DPP6: variants seen among roughly 807,000 people sequenced by gnomAD.
DPP6 encodes the protein A-type potassium channel modulatory protein DPP6.
Under a neutral mutation model 122.6 loss-of-function variants are expected in DPP6, and 69 were observed. The ratio of observed to expected loss-of-function variants is 0.56; its 90% CI spans 0.46 to 0.69. The LOEUF (loss-of-function observed/expected upper bound fraction) is 0.69. Among genes scored for constraint, DPP6 ranks in the 30% least tolerant of loss-of-function variants. The probability of loss-of-function intolerance (pLI) is 0.00; values close to 1 mark genes in which losing one functional copy is unlikely to be tolerated. For synonymous variants in DPP6, 418 were observed against 433.1 expected (o/e 0.97, Z 0.43); for missense variants, 928 against 1,116.9 (o/e 0.83, Z 2.41).
intron 1 of DPP6, among the ~76,000 whole-genome samples, chr7:154,060,762 C>CGT (rs1801709039): frequency 1.6e-5 from 2 of 125,526 alleles, no homozygotes; most frequent in African/African-American, 6.3e-5. Flanking sequence ...GCCAGTCCCT[C>CGT]TTCCCCCCCT....
intron 7 of DPP6, among the ~76,000 whole-genome samples, chr7:154,679,155 A>G (rs10248176): frequency 0.11 from 16,238 of 152,112 alleles, 938 homozygotes; most frequent in East Asian, 0.15. Flanking sequence ...CCCCTTGTCC[A>G]TCACCATCCA....
intron 8 of DPP6, among the ~76,000 whole-genome samples, chr7:154,732,714 G>T (rs1004723014): frequency 2.6e-5 from 4 of 152,160 alleles, no homozygotes; most frequent in African/African-American, 9.7e-5. Flanking sequence ...AAATTCCAGG[G>T]CTGGATTTTC....
the DPP6 span, among the ~76,000 whole-genome samples, chr7:153,844,578 CT>C: frequency 6.6e-6 from 1 of 152,020 alleles, no homozygotes; most frequent in Non-Finnish European, 1.5e-5. Flanking sequence ...CAGGAAAAGC[CT>C]TTTCTTTTTC....
chr7:153,934,577 A>G (rs770580368), intron 1 of DPP6, among the ~76,000 whole-genome samples: 7 of 152,102 alleles, frequency 4.6e-5, no homozygotes, highest in Non-Finnish European at 1.0e-4. Flanking sequence ...TAGAGTGTCT[A>G]TTTCTGTAAA....
chr7:153,888,249 C>A (rs1023778564), intron 1 of DPP6, among the ~76,000 whole-genome samples: 40 of 152,216 alleles, frequency 2.6e-4, no homozygotes, highest in Non-Finnish European at 1.5e-5. Context: ...CCAGACGCCG[C>A]CGCCGGGCGG....
intron 16 of DPP6, among the ~76,000 whole-genome samples, chr7:154,843,952 C>A (rs1801760044): frequency 6.6e-6 from 1 of 152,248 alleles, no homozygotes; most frequent in African/African-American, 2.4e-5. Context: ...TTGTCTATTT[C>A]TGTCTGTTTC....
chr7:154,845,041 C>T (rs936340312), intron 16 of DPP6, among the ~76,000 whole-genome samples: 2 of 152,206 alleles, frequency 1.3e-5, no homozygotes, highest in African/African-American at 2.4e-5. Flanking sequence ...ACCAGGACTC[C>T]AAGAATGGTC....
chr7:154,585,646 T>C (rs1832390995), intron 5 of DPP6, among the ~76,000 whole-genome samples: 1 of 152,218 alleles, frequency 6.6e-6, no homozygotes, highest in African/African-American at 2.4e-5. Flanking sequence ...TGAAATCATC[T>C]CTAGGTTACT....
intron 3 of DPP6, among the ~76,000 whole-genome samples, chr7:154,496,625 G>T (rs550398764): frequency 1.3e-5 from 2 of 152,290 alleles, no homozygotes; most frequent in East Asian, 3.9e-4. Context: ...AAGAGGTTTT[G>T]TGAAGGGGCC....
At chr7:154,550,787 G>C (rs966827822) in intron 4 of DPP6, among the ~76,000 whole-genome samples, 2 of 99,384 alleles carry the variant, frequency 2.0e-5, no homozygotes, top group Non-Finnish European at 4.0e-5. Flanking sequence ...TTTTGCTCTT[G>C]TTGCCCAAGC....
the DPP6 span, among the ~76,000 whole-genome samples, chr7:153,808,324 T>C: frequency 6.6e-6 from 1 of 151,496 alleles, no homozygotes; most frequent in African/African-American, 2.4e-5. Flanking sequence ...CCTGTGTGTG[T>C]CTGTGTGCAT....
chr7:154,662,725 A>G (rs55929518), intron 6 of DPP6, among the ~76,000 whole-genome samples: 42,416 of 44,498 alleles, frequency 0.95, 20,197 homozygotes, highest in African/African-American at 0.97. Flanking sequence ...TCACCATGGC[A>G]TATTGGCCGT....
At chr7:153,793,876 G>A in the DPP6 span, among the ~76,000 whole-genome samples, 100 of 152,204 alleles carry the variant, frequency 6.6e-4, no homozygotes, top group African/African-American at 1.3e-3. Flanking sequence ...AACTCGGGCC[G>A]TAGCCTCAGA....
intron 16 of DPP6, among the ~76,000 whole-genome samples, chr7:154,807,963 C>T (rs1337881177): frequency 6.6e-6 from 1 of 152,206 alleles, no homozygotes; most frequent in Non-Finnish European, 1.5e-5. Context: ...AAAGAGTAGG[C>T]CATGTTGCAT....
intron 16 of DPP6, among the ~76,000 whole-genome samples, chr7:154,817,328 G>A (rs1432256953): frequency 1.3e-5 from 2 of 152,020 alleles, no homozygotes; most frequent in Admixed American, 6.6e-5. Context: ...AGTGATTAAC[G>A]GATGATGTCA....
chr7:154,431,015 C>T (rs1052943649), intron 1 of DPP6, among the ~76,000 whole-genome samples: 2 of 152,156 alleles, frequency 1.3e-5, no homozygotes, highest in African/African-American at 4.8e-5. Context: ...GCTCACGGCG[C>T]TTACTTTGAT....
rs146636152 is a variant in DPP6 at position 154,731,139 on chromosome 7, T to G, written c.883+3252T>G. Among the ~76,000 whole-genome samples the G allele has an allele frequency of 5.0e-3, 756 of 152,278 alleles. 10 individuals are homozygous for G. The highest frequency in any genetic ancestry group is 0.017 in the African/African-American group (719 of 41,558). ...TGGGAAAGTAAACTTTGATGATCGC[T>G]TTTGCCTACTCTGTGACTTAACTGT... On this transcript the variant is annotated intron_variant, in intron 8 of 25. Coordinates refer to ENST00000377770, the MANE Select transcript of DPP6 (RefSeq NM_130797.4).
chr7:154,113,408 TATATACACACAC>T (rs1297010095), intron 1 of DPP6, among the ~76,000 whole-genome samples: 1 of 146,536 alleles, frequency 6.8e-6, no homozygotes, highest in South Asian at 2.1e-4. Context: ...TATATATATA[TATATACACACAC>T]ACACACACAC....
rs748422988 is a variant in DPP6, at chr7:154,868,030, A to G, written c.1750A>G (p.Lys584Glu). 2 of 1,608,300 alleles carry G rather than the reference A, an allele frequency of 1.2e-6. No individual in the cohort carries two copies. Among genetic ancestry groups the G allele is most frequent in the South Asian group, 1.1e-5 (1 of 89,168 alleles). The change falls in exon 18 of 26, where the codon AAG becomes GAG. Residue 584 changes from lysine (K) to glutamate (E), a missense_variant. By Grantham distance (56) the Lys-to-Glu change is moderately conservative. Transcript: ENST00000377770. ...FDLETNEHVK[K>E]AINDRQMPKV... ...CCTAGAAACAAATGAACATGTCAAG[A>G]AGGCCATAAATGACCGACAGATGCC...
Sources: gnomAD v4.1 joint callset for allele counts (sites outside exome capture counted in the v4.1 genomes callset) on GRCh38, gnomAD v4.1.1 for gene constraint, MANE v1.5 for transcripts, NCBI Gene and HGNC (gene_info 2026-07-23, HGNC 2026-07-21) for gene names.